Variants in AAK1 observed in about 807,000 individuals in gnomAD.
AAK1 encodes the protein AP2 associated kinase 1.
Under a neutral mutation model 116.0 loss-of-function variants are expected in AAK1, and 37 were observed. The ratio of observed to expected loss-of-function variants is 0.32; its 90% CI spans 0.25 to 0.42. The LOEUF (loss-of-function observed/expected upper bound fraction) is 0.42, where lower values mean the gene tolerates loss of function less well. Ranked by LOEUF, AAK1 falls within the 10% of genes least tolerant of loss-of-function variation. AAK1 has a pLI of 1.00. For missense variants in AAK1, 919 were observed against 1,170.6 expected, an observed-to-expected ratio of 0.79 and a Z score of 3.14; for synonymous variants, 458 against 439.9, an observed-to-expected ratio of 1.04 and a Z score of -0.51.
chr2:69,557,379 G>A (rs1355424598), intron 2 of AAK1, among the ~76,000 whole-genome samples: 1 of 148,864 alleles, frequency 6.7e-6, no homozygotes, highest in East Asian at 2.0e-4. Context: ...ACTGCTCACT[G>A]CAGCCTTGAC....
chr2:69,519,048 A>T lies in AAK1; in HGVS notation c.1403T>A (p.Phe468Tyr). Reference sequence around the variant, plus strand: ...TTGCTGCTGCTGTTGCTGCTTGAGGAAGAGTTGCTGCTGGTGCTGGGGTGT... The same window carrying T: ...TTGCTGCTGCTGTTGCTGCTTGAGGTAGAGTTGCTGCTGGTGCTGGGGTGT... ...QATPQHQQQL[F>Y]LKQQQQQQQP... is the part of the protein sequence containing the mutation. The change falls in exon 12 of 22, where the codon TTC becomes TAC. Residue 468 changes from phenylalanine to tyrosine, a missense_variant. Physicochemically the swap from Phe to Tyr is conservative, Grantham distance 22. This residue lies in a region of AAK1 where 214 missense variants were observed against 210.6 expected (regional missense o/e 1.02). Transcript: ENST00000409085. The T allele has an allele frequency of 6.4e-7, 1 of 1,550,664 alleles. No individual in the cohort carries two copies. Among genetic ancestry groups the T allele is most frequent in the Non-Finnish European group, 8.7e-7 (1 of 1,146,706 alleles).
At chr2:69,617,472 T>C (rs755774713) in intron 2 of AAK1, among the ~76,000 whole-genome samples, 2 of 152,226 alleles carry the variant, frequency 1.3e-5, no homozygotes, top group Non-Finnish European at 2.9e-5. Flanking sequence ...CTAAGTTTAA[T>C]GCATTAATTT....
In AAK1 at chr2:69,465,754, G is replaced by A. The variant is rs1227644536; in HGVS notation, c.*10115C>T. 1.2e-5 allele frequency: 15 copies of A among 1,290,804 alleles called. No homozygotes were observed. The South Asian group carries it at 1.5e-4, about 13-fold the overall frequency. 80.0% of individuals were successfully genotyped at this position (1,290,804 alleles called of 1,614,324 possible). A position where few individuals can be genotyped will look rare whatever the true frequency, so the allele number is the denominator to read the frequency against. On this transcript the variant is annotated 3_prime_UTR_variant, in exon 22 of 22. Transcript: ENST00000409085. ...CCAGATTCCAGGCAGGATCCCCTGG[G>A]AGAGATGCTGTCCAGATGGTCTGCT...
intron 3 of AAK1, among the ~76,000 whole-genome samples, chr2:69,546,854 A>AG (rs1342343410): frequency 1.3e-5 from 2 of 151,990 alleles, no homozygotes; most frequent in Admixed American, 6.6e-5. Context: ...TATTACCAGA[A>AG]GGTAAGGAAA....
chr2:69,622,809 C>T (rs1288596296), intron 2 of AAK1, among the ~76,000 whole-genome samples: 1 of 152,156 alleles, frequency 6.6e-6, no homozygotes, highest in African/African-American at 2.4e-5. Flanking sequence ...CACCAATCGA[C>T]ACTCCGCATC....
chr2:69,494,081 T>C (rs1675646256), intron 17 of AAK1, among the ~76,000 whole-genome samples: 1 of 152,202 alleles, frequency 6.6e-6, no homozygotes, highest in Admixed American at 6.5e-5. Flanking sequence ...CAGATGAGTC[T>C]GGTCTGACAG....
At chr2:69,504,448 A>G (rs190032866) in intron 16 of AAK1, among the ~76,000 whole-genome samples, 1 of 146,988 alleles carries the variant, frequency 6.8e-6, no homozygotes, top group Admixed American at 6.9e-5. Flanking sequence ...CAGAGTCTTA[A>G]GCAGGGGGCC....
chr2:69,470,963 A>G lies in AAK1; in HGVS notation c.*4906T>C. On this transcript the variant is annotated 3_prime_UTR_variant, in exon 22 of 22. Transcript: ENST00000409085. ...AGTCTTTATTCCCCTGTATGTTTAC[A>G]TAAGAAAGTTCTTTACAGACTTTTT... The G allele has an allele frequency of 1.0e-6, 1 of 985,914 alleles. No homozygotes were observed. Among genetic ancestry groups the G allele is most frequent in the Non-Finnish European group, 1.2e-6 (1 of 829,944 alleles). 61.1% of individuals were successfully genotyped at this position (985,914 alleles called of 1,614,324 possible). A position where few individuals can be genotyped will look rare whatever the true frequency, so the allele number is the denominator to read the frequency against.
intron 2 of AAK1, among the ~76,000 whole-genome samples, chr2:69,568,724 C>A (rs746874339): frequency 6.6e-6 from 1 of 152,206 alleles, no homozygotes; most frequent in Admixed American, 6.5e-5. Context: ...TCTGCCCTGA[C>A]CCTCCTATGT....
At chr2:69,621,704 C>T (rs765504853) in intron 2 of AAK1, among the ~76,000 whole-genome samples, 2 of 152,202 alleles carry the variant, frequency 1.3e-5, no homozygotes, top group Admixed American at 6.5e-5. Context: ...TGGCCAACTA[C>T]GAACACGCTG....
intron 2 of AAK1, among the ~76,000 whole-genome samples, chr2:69,581,146 CTCTG>C (rs1672525822): frequency 6.6e-6 from 1 of 152,188 alleles, no homozygotes; most frequent in South Asian, 2.1e-4. Flanking sequence ...CGGAATCTCA[CTCTG>C]TCTCCCAGGC....
At chr2:69,535,318 C>T (rs927456828) in intron 5 of AAK1, among the ~76,000 whole-genome samples, 1 of 152,164 alleles carries the variant, frequency 6.6e-6, no homozygotes, top group African/African-American at 2.4e-5. Context: ...CAAAATGTCT[C>T]ATATAACTCC....
rs78425892 is a variant in AAK1, at chr2:69,461,374, T to C, written c.*14495A>G. 10,980 of 212,732 alleles carry C rather than the reference T, an allele frequency of 0.052. 948 individuals are homozygous for C. Among genetic ancestry groups the C allele is most frequent in the East Asian group, 0.19 (1,026 of 5,418 alleles). 13.2% of individuals were successfully genotyped at this position (212,732 alleles called of 1,614,324 possible). A position where few individuals can be genotyped will look rare whatever the true frequency, so the allele number is the denominator to read the frequency against. Reference sequence around the variant, plus strand: ...TCTGAATGTCTCCCTCATCATTAAGTGGGGCATGACTGTATTTTTTTTTCT... The same window carrying C: ...TCTGAATGTCTCCCTCATCATTAAGCGGGGCATGACTGTATTTTTTTTTCT... On this transcript the variant is annotated 3_prime_UTR_variant, in exon 22 of 22. Coordinates refer to ENST00000409085, the MANE Select transcript of AAK1 (RefSeq NM_014911.5).
intron 2 of AAK1, among the ~76,000 whole-genome samples, chr2:69,633,124 C>T (rs1675275503): frequency 1.3e-5 from 2 of 149,604 alleles, no homozygotes. Flanking sequence ...AGCCGACAGG[C>T]AGGAGAATGG....
At chr2:69,639,575 G>A (rs1033910057) in intron 2 of AAK1, among the ~76,000 whole-genome samples, 1 of 152,172 alleles carries the variant, frequency 6.6e-6, no homozygotes, top group African/African-American at 2.4e-5. Context: ...GGGGAGGTAT[G>A]GCAGTGCGAC....
chr2:69,564,770 C>T (rs6718757), intron 2 of AAK1, among the ~76,000 whole-genome samples: 53,004 of 151,926 alleles, frequency 0.35, 9,630 homozygotes, highest in East Asian at 0.59. Flanking sequence ...TATCTGACCA[C>T]GTGATTGTAT....
intron 2 of AAK1, among the ~76,000 whole-genome samples, chr2:69,558,529 T>G (rs929012424): frequency 1.3e-5 from 2 of 152,072 alleles, no homozygotes; most frequent in Non-Finnish European, 2.9e-5. Flanking sequence ...GTTGAAGGCT[T>G]TGGAGTAAGT....
At chr2:69,496,160 G>GT in intron 16 of AAK1, 80 bp from the exon 17 acceptor site, 1 of 987,452 alleles carries the variant, frequency 1.0e-6, no homozygotes, top group East Asian at 2.7e-5. Flanking sequence ...ATCTAGGTAA[G>GT]TTTACCCTCT....
intron 2 of AAK1, among the ~76,000 whole-genome samples, chr2:69,561,855 G>A (rs1054069924): frequency 2.6e-5 from 4 of 152,202 alleles, no homozygotes; most frequent in Non-Finnish European, 4.4e-5. Flanking sequence ...ACACTGCTTT[G>A]GTCTGGCTTC....
Sources: allele counts gnomAD v4.1 joint callset (sites outside exome capture counted in the v4.1 genomes callset), GRCh38; gene constraint gnomAD v4.1.1; regional missense constraint gnomAD v4.1.1; transcripts MANE v1.5; gene names NCBI Gene and HGNC (gene_info 2026-07-23, HGNC 2026-07-21).